The following PPFIBP2 variants were observed in gnomAD, a reference collection of about 807,000 sequenced individuals.
PPFIBP2 encodes liprin-beta-2.
A neutral mutation model predicts 118.3 loss-of-function variants in PPFIBP2; 118 were observed. That is an observed-to-expected ratio of 1.00 (90% CI 0.86 to 1.16). PPFIBP2 has a LOEUF of 1.16. PPFIBP2 is among the 50% of genes most tolerant of loss of function. The probability of loss-of-function intolerance (pLI) is 0.00; values close to 1 mark genes in which losing one functional copy is unlikely to be tolerated. For missense variants in PPFIBP2, 1,195 were observed against 1,073.1 expected, an observed-to-expected ratio of 1.11 and a Z score of -1.59; for synonymous variants, 414 against 397.4, an observed-to-expected ratio of 1.04 and a Z score of -0.50.
At chr11:7,624,478 A>G (rs549465057) in intron 7 of PPFIBP2, among the ~76,000 whole-genome samples, 96 of 152,280 alleles carry the variant, frequency 6.3e-4, no homozygotes, top group African/African-American at 2.3e-3. Context: ...GTACTCATTT[A>G]ATTACTTGGG....
Position 7,629,531 on chromosome 11 carries a change from C to G in PPFIBP2, c.961C>G (p.Gln321Glu), listed in dbSNP as rs749845413. ...RKVKEIVMVT[Q>E]GPSERTLSIN... Reference sequence around the variant, plus strand: ...GGTAAAGGAGATTGTGATGGTCACTCAAGGTAAGAGCAAGGGCGATCCTAC... The same window carrying G: ...GGTAAAGGAGATTGTGATGGTCACTGAAGGTAAGAGCAAGGGCGATCCTAC... The change falls in exon 10 of 24, where the codon CAA becomes GAA. Residue 321 changes from glutamine (Q) to glutamate (E), a missense_variant. By Grantham distance (29) the Gln-to-Glu change is conservative. Transcript: ENST00000299492. 2 of 1,613,990 alleles carry G rather than the reference C, an allele frequency of 1.2e-6. No individual in the cohort carries two copies. Among genetic ancestry groups the G allele is most frequent in the Admixed American group, 1.7e-5 (1 of 60,026 alleles).
intron 3 of PPFIBP2, among the ~76,000 whole-genome samples, chr11:7,575,573 C>A (rs965028179): frequency 1.3e-5 from 2 of 152,238 alleles, no homozygotes; most frequent in Non-Finnish European, 2.9e-5. Flanking sequence ...GCTCCCAAAT[C>A]AGCTTGTCTA....
At chr11:7,566,862 T>TTTTAA (rs1012023610) in intron 3 of PPFIBP2, among the ~76,000 whole-genome samples, 5 of 152,256 alleles carry the variant, frequency 3.3e-5, no homozygotes, top group African/African-American at 1.2e-4. Context: ...AAAAAATAGT[T>TTTTAA]CCCATATTTT....
chr11:7,648,307 C>T, intron 17 of PPFIBP2, 80 bp from the exon 18 acceptor site: 2 of 1,440,762 alleles, frequency 1.4e-6, no homozygotes, highest in Non-Finnish European at 1.9e-6. Flanking sequence ...CTTTTCTTTT[C>T]TTTTGTTTGT....
At chr11:7,541,453 T>G (rs1370487310) in intron 1 of PPFIBP2, among the ~76,000 whole-genome samples, 1 of 152,112 alleles carries the variant, frequency 6.6e-6, no homozygotes, top group African/African-American at 2.4e-5. Context: ...TCAGCAGCAT[T>G]TGGTGCACCT....
rs140341340 is a variant in PPFIBP2, at chr11:7,649,166, C to T, written c.1929C>T (p.Gly643=). Residue 643 remains glycine, a synonymous_variant, in exon 20 of 24, where the codon GGC becomes GGT. Transcript: ENST00000299492. ...IWVTRWLDDI[G]LPQYKDQFHE... Reference sequence around the variant, plus strand: ...TTGTAGGGTGGCTTGATGATATTGGCTTACCCCAGTACAAAGACCAGTTTC... The same window carrying T: ...TTGTAGGGTGGCTTGATGATATTGGTTTACCCCAGTACAAAGACCAGTTTC... 101 of 1,613,952 alleles carry T rather than the reference C, an allele frequency of 6.3e-5. No individual in the cohort carries two copies. The highest frequency in any genetic ancestry group is 4.9e-4 in the Middle Eastern group (3 of 6,084).
chr11:7,649,676 C>T, intron 21 of PPFIBP2, 22 bp downstream of exon 21: 2 of 1,613,988 alleles, frequency 1.2e-6, no homozygotes, highest in Non-Finnish European at 1.7e-6. Context: ...AATAGTATCT[C>T]TCCAGGTAGC....
intron 5 of PPFIBP2, chr11:7,598,484 G>A (rs1382170610): frequency 1.9e-5 from 3 of 156,644 alleles, no homozygotes; most frequent in African/African-American, 4.8e-5. Context: ...AATTTGTTGA[G>A]AAGCGAATTA....
downstream of PPFIBP2, among the ~76,000 whole-genome samples, chr11:7,655,155 T>C (rs958260953): frequency 2.0e-5 from 3 of 152,206 alleles, no homozygotes; most frequent in Non-Finnish European, 2.9e-5. Flanking sequence ...CTGACAAGCT[T>C]GTGTCTTGCC....
chr11:7,656,492 G>A (rs1183917272), downstream of PPFIBP2, among the ~76,000 whole-genome samples: 1 of 152,152 alleles, frequency 6.6e-6, no homozygotes, highest in Non-Finnish European at 1.5e-5. Flanking sequence ...TATGATCTAG[G>A]CCTTTGGTGG....
intron 2 of PPFIBP2, among the ~76,000 whole-genome samples, chr11:7,561,267 T>C (rs1590243796): frequency 6.6e-6 from 1 of 152,172 alleles, no homozygotes; most frequent in East Asian, 1.9e-4. Flanking sequence ...GGTTTTGCCA[T>C]GTTGGCCAGG....
intron 5 of PPFIBP2, among the ~76,000 whole-genome samples, chr11:7,601,497 C>G (rs541815748): frequency 2.8e-3 from 422 of 152,172 alleles, no homozygotes; most frequent in Non-Finnish European, 4.8e-3. Flanking sequence ...AAGCAGACAG[C>G]TACAAGCATC....
intron 3 of PPFIBP2, chr11:7,577,138 A>G: frequency 6.3e-6 from 1 of 159,606 alleles, no homozygotes; most frequent in South Asian, 1.7e-4. Context: ...TTTCTTCAGG[A>G]CTGTTTCCCT....
At chr11:7,570,286 TAC>T (rs1317324276) in intron 3 of PPFIBP2, among the ~76,000 whole-genome samples, 1 of 152,196 alleles carries the variant, frequency 6.6e-6, no homozygotes, top group South Asian at 2.1e-4. Flanking sequence ...CCTAGGCTGA[TAC>T]ACAGTGTTGA....
intron 1 of PPFIBP2, among the ~76,000 whole-genome samples, chr11:7,531,466 G>A (rs548443173): frequency 2.9e-4 from 44 of 152,212 alleles, no homozygotes; most frequent in Non-Finnish European, 6.2e-4. Context: ...ATTCGACTTA[G>A]AGCTGACTTA....
intron 2 of PPFIBP2, among the ~76,000 whole-genome samples, chr11:7,559,249 C>T (rs945391644): frequency 5.3e-5 from 8 of 152,168 alleles, no homozygotes; most frequent in African/African-American, 1.7e-4. Context: ...TTAGGCATAT[C>T]CAGCATTAGT....
At chr11:7,665,342 G>T in the PPFIBP2 span, 1 of 1,466,628 alleles carries the variant, frequency 6.8e-7, no homozygotes, top group South Asian at 1.4e-5. Context: ...AGATGAAAAG[G>T]GACATGCAAA....
chr11:7,531,066 A>T (rs1850633347), intron 1 of PPFIBP2, among the ~76,000 whole-genome samples: 1 of 151,944 alleles, frequency 6.6e-6, no homozygotes, highest in Non-Finnish European at 1.5e-5. Flanking sequence ...GAGCAAAACC[A>T]CTTGGGCCTG....
At chr11:7,598,262 C>T in intron 5 of PPFIBP2, 1 of 310,868 alleles carries the variant, frequency 3.2e-6, no homozygotes, top group Non-Finnish European at 6.3e-6. Context: ...CAATTTAGTC[C>T]TCAGATTTTG....
Sources: allele counts gnomAD v4.1 joint callset (sites outside exome capture counted in the v4.1 genomes callset), GRCh38; gene constraint gnomAD v4.1.1; transcripts MANE v1.5; gene names NCBI Gene and HGNC (gene_info 2026-07-23, HGNC 2026-07-21).